The following DYM variants were observed in gnomAD, a reference collection of about 807,000 sequenced individuals.
DYM encodes the protein dymeclin.
Under a neutral mutation model 93.1 loss-of-function variants are expected in DYM, and 78 were observed. The ratio of observed to expected loss-of-function variants is 0.84; its 90% confidence interval spans 0.70 to 1.01. The LOEUF (loss-of-function observed/expected upper bound fraction) is 1.01, where lower values mean the gene tolerates loss of function less well. DYM is among the 50% of genes least tolerant of loss of function. The pLI is 0.00. For missense variants in DYM, 789 were observed against 845.0 expected, an observed-to-expected ratio of 0.93 and a Z score of 0.82; for synonymous variants, 321 against 319.7, an observed-to-expected ratio of 1.00 and a Z score of -0.04.
At chr18:49,394,574 T>C (rs755292956) in intron 2 of DYM, among the ~76,000 whole-genome samples, 4 of 152,198 alleles carry the variant, frequency 2.6e-5, no homozygotes, top group Non-Finnish European at 4.4e-5. Context: ...AAAATATCAC[T>C]GGTATTTTGA....
chr18:49,327,515 T>A (rs2146726937), intron 8 of DYM, among the ~76,000 whole-genome samples: 1 of 151,940 alleles, frequency 6.6e-6, no homozygotes, highest in East Asian at 1.9e-4. Flanking sequence ...CACCACCACG[T>A]CCAGCTAATT....
At chr18:49,459,922 G>A (rs983014181) in intron 1 of DYM, among the ~76,000 whole-genome samples, 3 of 146,822 alleles carry the variant, frequency 2.0e-5, no homozygotes, top group African/African-American at 7.5e-5. Flanking sequence ...TTGGGGCGGG[G>A]GGGGCGGTGA....
At chr18:49,355,355 G>A (rs2065460602) in intron 6 of DYM, among the ~76,000 whole-genome samples, 1 of 150,750 alleles carries the variant, frequency 6.6e-6, no homozygotes. Context: ...ATCAATAATT[G>A]ATAGGTACAT....
intron 17 of DYM, among the ~76,000 whole-genome samples, chr18:49,080,952 G>A (rs574021339): frequency 3.3e-5 from 5 of 150,364 alleles, no homozygotes; most frequent in Non-Finnish European, 5.9e-5. Flanking sequence ...GGATGGCTGC[G>A]GGGAAGAGGT....
intron 3 of DYM, among the ~76,000 whole-genome samples, chr18:49,381,225 T>C (rs901423803): frequency 1.1e-4 from 17 of 152,128 alleles, no homozygotes; most frequent in Admixed American, 1.1e-3. Flanking sequence ...TTGAACTTAC[T>C]GAAATGTGTC....
intron 1 of DYM, among the ~76,000 whole-genome samples, chr18:49,432,146 G>T (rs1251947990): frequency 6.6e-6 from 1 of 152,034 alleles, no homozygotes; most frequent in African/African-American, 2.4e-5. Flanking sequence ...GCCAAGGCGG[G>T]CAGATCACCT....
chr18:49,434,484 C>T (rs1297948566), intron 1 of DYM, among the ~76,000 whole-genome samples: 1 of 152,052 alleles, frequency 6.6e-6, no homozygotes, highest in East Asian at 1.9e-4. Flanking sequence ...TGCACCATTG[C>T]ATTCCAGCCT....
chr18:49,268,634 T>C (rs2094612863), intron 11 of DYM, among the ~76,000 whole-genome samples: 1 of 152,194 alleles, frequency 6.6e-6, no homozygotes, highest in African/African-American at 2.4e-5. Flanking sequence ...ACAGTTACTT[T>C]TTCTTGTTCT....
At chr18:49,350,532 C>A (rs943819386) in intron 6 of DYM, among the ~76,000 whole-genome samples, 1 of 151,820 alleles carries the variant, frequency 6.6e-6, no homozygotes, top group Non-Finnish European at 1.5e-5. Flanking sequence ...TTGGTGAAAC[C>A]CCATCTCTAC....
At chr18:49,376,763 TA>T (rs1403852180) in intron 5 of DYM, among the ~76,000 whole-genome samples, 1 of 152,230 alleles carries the variant, frequency 6.6e-6, no homozygotes, top group Non-Finnish European at 1.5e-5. Context: ...GAAAAGCTGT[TA>T]AAATGTTAGA....
In DYM at chr18:49,378,618, C is replaced by G; in HGVS notation, c.370G>C (p.Glu124Gln). The G allele has an allele frequency of 1.2e-6, 2 of 1,612,808 alleles. No individual in the cohort carries two copies. The highest frequency in any genetic ancestry group is 1.7e-6 in the Non-Finnish European group (2 of 1,179,064). The change falls in exon 5 of 18, where the codon GAG (glutamate) becomes CAG (glutamine). Residue 124 changes from glutamate (E) to glutamine (Q), a missense_variant. Physicochemically the swap from Glu to Gln is conservative, Grantham distance 29 (BLOSUM62 2). Transcript: ENST00000675505. ...TAAGTAAAATGAAGTTGTAATTCCT[C>G]CTCTGACATCTGACAGATGAACACT... ...LKVFICQMSE[E>Q]ELQLHFTYEE...
At chr18:49,280,681 G>C (rs2094948604) in intron 10 of DYM, among the ~76,000 whole-genome samples, 1 of 152,194 alleles carries the variant, frequency 6.6e-6, no homozygotes, top group Non-Finnish European at 1.5e-5. Context: ...TTATGCTGGA[G>C]AAGCTCCTAC....
chr18:49,331,961 A>G lies in DYM; in HGVS notation c.666T>C (p.Phe222=), dbSNP rs779278147. The change falls in exon 8 of 18, where the codon TTT becomes TTC. Residue 222 remains phenylalanine (F), a synonymous_variant. Transcript: ENST00000675505. ...SKLVKTLLYN[F]IRQEKPPPPG... is the part of the protein sequence containing the mutation. ...GAGGAGGTGGCTTTTCTTGTCTGAT[A>G]AAGTTATATAATAAGGTCTTCACAA... 6.2e-7 allele frequency: 1 copy of G among 1,613,974 alleles called. No homozygotes were observed. The highest frequency in any genetic ancestry group is 1.3e-5 in the African/African-American group (1 of 74,924).
At chr18:49,299,112 T>C (rs897777946) in intron 8 of DYM, among the ~76,000 whole-genome samples, 6 of 152,298 alleles carry the variant, frequency 3.9e-5, no homozygotes, top group Admixed American at 2.0e-4. Context: ...CCTAAAGCAG[T>C]GTTTCCCAAA....
At chr18:49,152,391 G>A (rs1399814655) in intron 15 of DYM, among the ~76,000 whole-genome samples, 1 of 152,090 alleles carries the variant, frequency 6.6e-6, no homozygotes, top group Non-Finnish European at 1.5e-5. Flanking sequence ...GGAACTCTCA[G>A]GTCCTAGCCA....
intron 2 of DYM, among the ~76,000 whole-genome samples, chr18:49,393,348 T>A (rs1286233547): frequency 1.3e-5 from 2 of 152,138 alleles, no homozygotes; most frequent in Non-Finnish European, 2.9e-5. Context: ...AAGAGATAGT[T>A]GTACACTCGT....
intron 13 of DYM, among the ~76,000 whole-genome samples, chr18:49,236,560 A>C (rs2093872891): frequency 6.6e-6 from 1 of 152,194 alleles, no homozygotes; most frequent in East Asian, 1.9e-4. Context: ...ATTTGATCAA[A>C]TATACCCCAC....
intron 13 of DYM, among the ~76,000 whole-genome samples, chr18:49,236,478 T>TAAA (rs2093867321): frequency 1.4e-5 from 1 of 73,004 alleles, no homozygotes. Context: ...AGACTCTGTC[T>TAAA]CAAAAAAAAA....
intron 2 of DYM, among the ~76,000 whole-genome samples, chr18:49,396,804 A>G (rs77338835): frequency 0.091 from 13,889 of 152,236 alleles, 857 homozygotes; most frequent in East Asian, 0.31. Flanking sequence ...ATTAAGTGAA[A>G]TAAGTCAAGC....
Sources: gnomAD v4.1 joint callset for allele counts (sites outside exome capture counted in the v4.1 genomes callset) on GRCh38, gnomAD v4.1.1 for gene constraint, MANE v1.5 for transcripts, NCBI Gene and HGNC (gene_info 2026-07-23, HGNC 2026-07-21) for gene names.